The following CADM2 variants were observed in gnomAD, a reference collection of about 807,000 sequenced individuals.
CADM2 encodes immunoglobulin superfamily member 4D.
CADM2 carries 12 observed loss-of-function variants against 49.8 expected under a neutral mutation model. The ratio of observed to expected loss-of-function variants is 0.24; its 90% CI spans 0.15 to 0.39. The LOEUF (loss-of-function observed/expected upper bound fraction) is 0.39, where lower values mean the gene tolerates loss of function less well. Among genes scored for constraint, CADM2 ranks in the 10% least tolerant of loss-of-function variants. CADM2 has a pLI of 1.00. For missense variants in CADM2, 378 were observed against 492.3 expected (o/e 0.77, Z 2.20); for synonymous variants, 214 against 175.4 (o/e 1.22, Z -1.74).
At chr3:85,688,403 G>C (rs1404335054) in intron 1 of CADM2, among the ~76,000 whole-genome samples, 1 of 151,968 alleles carries the variant, frequency 6.6e-6, no homozygotes, top group Non-Finnish European at 1.5e-5. Context: ...AACCACAATG[G>C]AACATCACTA....
chr3:85,186,890 C>A (rs2041078691), intron 1 of CADM2, among the ~76,000 whole-genome samples: 2 of 152,070 alleles, frequency 1.3e-5, no homozygotes, highest in Non-Finnish European at 2.9e-5. Context: ...AGGTGAGATT[C>A]CTTTGCTTTA....
intron 1 of CADM2, among the ~76,000 whole-genome samples, chr3:85,578,796 T>C (rs1218350907): frequency 6.6e-6 from 1 of 152,216 alleles, no homozygotes; most frequent in Non-Finnish European, 1.5e-5. Context: ...TGGTGATTAG[T>C]TTCTAATTTC....
chr3:85,292,425 T>C (rs1367980714), intron 1 of CADM2, among the ~76,000 whole-genome samples: 1 of 151,334 alleles, frequency 6.6e-6, no homozygotes, highest in Non-Finnish European at 1.5e-5. Flanking sequence ...AACTCAGCTC[T>C]GCCCCAAGCA....
At chr3:85,636,644 A>C (rs2064496876) in intron 1 of CADM2, among the ~76,000 whole-genome samples, 2 of 152,206 alleles carry the variant, frequency 1.3e-5, no homozygotes, top group Non-Finnish European at 2.9e-5. Flanking sequence ...TCTCACCCAG[A>C]GCAACATCCT....
chr3:85,216,931 A>T (rs2041941499), intron 1 of CADM2, among the ~76,000 whole-genome samples: 1 of 152,062 alleles, frequency 6.6e-6, no homozygotes, highest in Non-Finnish European at 1.5e-5. Context: ...ACATTGCTAT[A>T]TCTGTTTTTG....
Position 86,068,264 on chromosome 3 carries a change from G to T in CADM2, c.*1481G>T, listed in dbSNP as rs1739539932. ...GCGTGTTTAACCATTAAGAAATGCT[G>T]TATTCTTAAATATGAAACAGTTAAT... On this transcript the variant is annotated 3_prime_UTR_variant, in exon 10 of 10. Transcript: ENST00000383699. 1 of 152,172 alleles carries T rather than the reference G, an allele frequency of 6.6e-6. No individual in the cohort carries two copies. The highest frequency in any genetic ancestry group is 6.6e-5 in the Admixed American group (1 of 15,232). The allele number at this position is 152,172 out of a possible 1,614,324, so 9.4% of individuals were successfully genotyped here.
At chr3:85,081,682 T>C (rs2037169739) in intron 1 of CADM2, among the ~76,000 whole-genome samples, 1 of 152,160 alleles carries the variant, frequency 6.6e-6, no homozygotes, top group East Asian at 1.9e-4. Context: ...CTTCTGGCCA[T>C]CTTCCAATTC....
chr3:85,228,055 C>T (rs1480182827), intron 1 of CADM2, among the ~76,000 whole-genome samples: 3 of 152,276 alleles, frequency 2.0e-5, no homozygotes, highest in Non-Finnish European at 4.4e-5. Context: ...CTGCACTTAA[C>T]ATTTTTTCCT....
At chr3:85,656,419 A>C (rs2107596782) in intron 1 of CADM2, among the ~76,000 whole-genome samples, 1 of 152,224 alleles carries the variant, frequency 6.6e-6, no homozygotes, top group South Asian at 2.1e-4. Context: ...GTTCGATACC[A>C]GCCTGGCCAA....
At chr3:85,513,964 T>A (rs916884255) in intron 1 of CADM2, among the ~76,000 whole-genome samples, 1 of 152,096 alleles carries the variant, frequency 6.6e-6, no homozygotes, top group African/African-American at 2.4e-5. Flanking sequence ...GTATTAGCAA[T>A]TGTATATGTC....
chr3:85,595,492 G>T (rs1017397486), intron 1 of CADM2, among the ~76,000 whole-genome samples: 1 of 152,002 alleles, frequency 6.6e-6, no homozygotes, highest in African/African-American at 2.4e-5. Flanking sequence ...GTATTTGGAC[G>T]AGTAGCTCCT....
intron 1 of CADM2, among the ~76,000 whole-genome samples, chr3:85,006,549 C>A (rs2033738091): frequency 6.6e-6 from 1 of 152,052 alleles, no homozygotes; most frequent in Non-Finnish European, 1.5e-5. Context: ...ATTCTTATAC[C>A]TAGGTCTCTG....
At chr3:84,960,724 A>G (rs189286720) in intron 1 of CADM2, among the ~76,000 whole-genome samples, 169 of 152,296 alleles carry the variant, frequency 1.1e-3, no homozygotes, top group Non-Finnish European at 1.6e-3. Context: ...ATCTGGGTTC[A>G]CTTTTCTCCA....
At chr3:84,988,060 C>G (rs986720316) in intron 1 of CADM2, among the ~76,000 whole-genome samples, 2 of 152,138 alleles carry the variant, frequency 1.3e-5, no homozygotes, top group Non-Finnish European at 2.9e-5. Flanking sequence ...AATGGGAACA[C>G]TTGACTTGCT....
chr3:85,356,088 T>C (rs2031831528), intron 1 of CADM2, among the ~76,000 whole-genome samples: 1 of 152,054 alleles, frequency 6.6e-6, no homozygotes, highest in African/African-American at 2.4e-5. Flanking sequence ...GCTTTTTCAG[T>C]CACAATTAGA....
intron 1 of CADM2, among the ~76,000 whole-genome samples, chr3:85,598,861 A>C (rs933326428): frequency 5.9e-5 from 9 of 151,322 alleles, no homozygotes; most frequent in Non-Finnish European, 1.2e-4. Context: ...GTGTGTATAT[A>C]TATATATATA....
rs139936738 is a variant in CADM2 at position 85,945,155 on chromosome 3, C to T, written c.791+9298C>T. Among the ~76,000 whole-genome samples the T allele has an allele frequency of 1.0e-3, 154 of 152,078 alleles. 3 individuals carry two copies. The East Asian group carries it at 0.021, about 20-fold the overall frequency. On this transcript the variant is annotated intron_variant, in intron 7 of 9. Transcript: ENST00000383699. Reference sequence around the variant, plus strand: ...TCAGAGAATTCTATAAACACCTCTACGCAAATAAATTAGAAAATCTAGAAG... The same window carrying T: ...TCAGAGAATTCTATAAACACCTCTATGCAAATAAATTAGAAAATCTAGAAG...
chr3:85,930,218 A>G (rs1219659931), intron 6 of CADM2, among the ~76,000 whole-genome samples: 1 of 152,170 alleles, frequency 6.6e-6, no homozygotes, highest in Non-Finnish European at 1.5e-5. Flanking sequence ...GGTATTTTTA[A>G]CAACATAGAA....
chr3:85,919,850 A>G (rs1718867343), intron 6 of CADM2, among the ~76,000 whole-genome samples: 1 of 151,960 alleles, frequency 6.6e-6, no homozygotes, highest in Non-Finnish European at 1.5e-5. Context: ...TTGATTTAAA[A>G]TAAAATTCTG....
Sources: allele counts gnomAD v4.1 joint callset (sites outside exome capture counted in the v4.1 genomes callset), GRCh38; gene constraint gnomAD v4.1.1; transcripts MANE v1.5; gene names NCBI Gene and HGNC (gene_info 2026-07-23, HGNC 2026-07-21).